The following DNAAF11 variants were observed in gnomAD, a reference collection of about 807,000 sequenced individuals.
The protein encoded by DNAAF11 is leucine rich repeat containing 6.
In DNAAF11, 45 loss-of-function variants were observed where a neutral mutation model predicts 60.8. That is an observed-to-expected ratio of 0.74 (90% CI 0.58 to 0.95). The LOEUF (loss-of-function observed/expected upper bound fraction) is 0.95, where lower values mean the gene tolerates loss of function less well. DNAAF11 is among the 40% of genes least tolerant of loss of function. The pLI is 0.00. For missense variants in DNAAF11, 546 were observed against 546.2 expected, an observed-to-expected ratio of 1.00 and a Z score of 0.00; for synonymous variants, 191 against 183.5, an observed-to-expected ratio of 1.04 and a Z score of -0.33.
At chr8:132,666,093 A>G (rs1362628345) in intron 1 of DNAAF11, among the ~76,000 whole-genome samples, 1 of 152,196 alleles carries the variant, frequency 6.6e-6, no homozygotes, top group African/African-American at 2.4e-5. Context: ...GAGGACTCCA[A>G]AATGGGCGAA....
chr8:132,595,806 T>C (rs1436201117), intron 10 of DNAAF11, among the ~76,000 whole-genome samples: 2 of 152,278 alleles, frequency 1.3e-5, no homozygotes, highest in South Asian at 2.1e-4. Flanking sequence ...CTGGCTTCTC[T>C]ATGGAGAAAG....
chr8:132,694,221 T>C, the DNAAF11 span, among the ~76,000 whole-genome samples: 6 of 152,080 alleles, frequency 3.9e-5, 1 homozygote, highest in South Asian at 1.0e-3. Flanking sequence ...GAAATTAGAG[T>C]GGATATAGGT....
chr8:132,687,980 C>A, the DNAAF11 span, among the ~76,000 whole-genome samples: 1 of 152,138 alleles, frequency 6.6e-6, no homozygotes, highest in East Asian at 1.9e-4. Context: ...AACAATGAAG[C>A]AATATAAAAA....
chr8:132,571,236 G>A lies in DNAAF11; in HGVS notation c.*1070C>T, dbSNP rs1285675026. ...GAACACCACCTGACATAGTCTGTGTGTATGTATTTGTCTGCTTTGTTACTA... is the reference window on the plus strand; with the variant it reads ...GAACACCACCTGACATAGTCTGTGTATATGTATTTGTCTGCTTTGTTACTA... On this transcript the variant is annotated 3_prime_UTR_variant, in exon 12 of 12. Transcript: ENST00000620350. 6.6e-6 allele frequency among the ~76,000 whole-genome samples: 1 copy of A among 152,194 alleles called. No individual in the cohort carries two copies. Among genetic ancestry groups the A allele is most frequent in the Non-Finnish European group, 1.5e-5 (1 of 68,042 alleles).
intron 1 of DNAAF11, among the ~76,000 whole-genome samples, chr8:132,672,400 A>C (rs2130893206): frequency 1.3e-5 from 2 of 152,258 alleles, no homozygotes; most frequent in South Asian, 4.1e-4. Flanking sequence ...AAACATCAAA[A>C]ATAGTGGTCT....
intron 10 of DNAAF11, among the ~76,000 whole-genome samples, chr8:132,602,677 C>G (rs2738441): frequency 6.6e-6 from 1 of 151,456 alleles, no homozygotes; most frequent in African/African-American, 2.4e-5. Flanking sequence ...GACTGGGTTT[C>G]TACTGAATCC....
Position 132,656,845 on chromosome 8 carries a change from T to A in DNAAF11, c.241A>T (p.Ile81Leu). 7.4e-7 allele frequency: 1 copy of A among 1,343,974 alleles called. No individual in the cohort carries two copies. The highest frequency in any genetic ancestry group is 2.4e-5 in the East Asian group (1 of 42,496). 83.3% of individuals were successfully genotyped at this position (1,343,974 alleles called of 1,614,324 possible). ...LNLALNNIEK[I>L]ENLEGCEELA... ...ACAGTCTTACCTTCCAAGTTTTCTA[T>A]TTTTTCAATGTTGTTTAAAGCTAAA... Residue 81 changes from isoleucine to leucine, a missense_variant, in exon 3 of 12, where the codon ATA (isoleucine) becomes TTA (leucine). Coordinates refer to ENST00000620350, the MANE Select transcript of DNAAF11 (RefSeq NM_012472.6).
At position 132,601,620 on chromosome 8, in the gene DNAAF11, T is replaced by C. The variant is rs1765207791; in HGVS notation, c.1140+8546A>G. ...AAAAAAGATGAGTTCATGTCCTTTG[T>C]AGGGACATGGATGAAGCTGGAAACC... On this transcript the variant is annotated intron_variant, in intron 10 of 11. Coordinates refer to ENST00000620350, the MANE Select transcript of DNAAF11 (RefSeq NM_012472.6). Among the ~76,000 whole-genome samples, 3 of 152,136 alleles carry C rather than the reference T, an allele frequency of 2.0e-5. 1 individual carries two copies. In the South Asian group the frequency reaches 6.2e-4, roughly 32 times the overall value.
chr8:132,587,372 C>T (rs1238588206), intron 10 of DNAAF11, among the ~76,000 whole-genome samples: 2 of 152,088 alleles, frequency 1.3e-5, no homozygotes, highest in African/African-American at 4.8e-5. Context: ...CATAATAACA[C>T]TGAAATTCAT....
chr8:132,614,894 G>A (rs190862296), intron 8 of DNAAF11, 144 bp downstream of exon 8: 6 of 495,356 alleles, frequency 1.2e-5, no homozygotes, highest in African/African-American at 1.2e-4. Context: ...AAAAATTATA[G>A]TAACTTCTCT....
chr8:132,663,155 G>A (rs1175430055), intron 1 of DNAAF11, among the ~76,000 whole-genome samples: 1 of 152,204 alleles, frequency 6.6e-6, no homozygotes, highest in Non-Finnish European at 1.5e-5. Flanking sequence ...CGCCCAGGAA[G>A]GAGGCTAACA....
intron 3 of DNAAF11, among the ~76,000 whole-genome samples, chr8:132,639,063 T>C (rs1205299567): frequency 6.6e-6 from 1 of 152,238 alleles, no homozygotes; most frequent in Non-Finnish European, 1.5e-5. Flanking sequence ...CTTAGCATAA[T>C]GCTTGCCACC....
the DNAAF11 span, among the ~76,000 whole-genome samples, chr8:132,690,236 A>G: frequency 3.9e-5 from 6 of 152,134 alleles, no homozygotes; most frequent in Non-Finnish European, 7.4e-5. Context: ...TCTCATCTTG[A>G]TTTGTAATCC....
chr8:132,611,302 T>G lies in DNAAF11; in HGVS notation c.1036A>C (p.Lys346Gln). 1 of 1,611,262 alleles carries G rather than the reference T, an allele frequency of 6.2e-7. No individual in the cohort carries two copies. The highest frequency in any genetic ancestry group is 2.2e-5 in the East Asian group (1 of 44,860). Residue 346 changes from lysine (K) to glutamine (Q), a missense_variant, in exon 9 of 12, where the codon AAA becomes CAA. Coordinates refer to ENST00000620350, the MANE Select transcript of DNAAF11 (RefSeq NM_012472.6). Reference sequence around the variant, plus strand: ...TACAGGGTTCTACTTACCTTTCCTTTGATCATTACTCGCACGTAAGTTGGT... The same window carrying G: ...TACAGGGTTCTACTTACCTTTCCTTGGATCATTACTCGCACGTAAGTTGGT... ...VQPTYVRVMIKGKPFQLVLPA... is the reference protein window; with the variant it reads ...VQPTYVRVMIQGKPFQLVLPA...
intron 11 of DNAAF11, among the ~76,000 whole-genome samples, chr8:132,576,986 T>A (rs1007439191): frequency 1.3e-5 from 2 of 152,216 alleles, no homozygotes; most frequent in African/African-American, 4.8e-5. Context: ...AATAACTTTT[T>A]AAGCCTTTTT....
the DNAAF11 span, among the ~76,000 whole-genome samples, chr8:132,693,956 T>C: frequency 2.6e-5 from 4 of 152,092 alleles, no homozygotes; most frequent in Non-Finnish European, 5.9e-5. Context: ...ATGGGAGCAA[T>C]TGGAAGATTT....
intron 1 of DNAAF11, among the ~76,000 whole-genome samples, chr8:132,663,209 C>G (rs571029971): frequency 6.6e-6 from 1 of 152,276 alleles, no homozygotes; most frequent in East Asian, 1.9e-4. Context: ...CTGCTGCCAG[C>G]ACCATTCAGC....
At chr8:132,598,175 G>A (rs977401754) in intron 10 of DNAAF11, among the ~76,000 whole-genome samples, 7 of 152,162 alleles carry the variant, frequency 4.6e-5, no homozygotes, top group African/African-American at 1.7e-4. Context: ...CATGGTAAAT[G>A]CTCAATAAAT....
the DNAAF11 span, among the ~76,000 whole-genome samples, chr8:132,690,091 T>C: frequency 1.3e-5 from 2 of 152,224 alleles, no homozygotes; most frequent in Non-Finnish European, 2.9e-5. Context: ...ATTTTAATTT[T>C]TAGATTTTCA....
Sources: gnomAD v4.1 joint callset for allele counts (sites outside exome capture counted in the v4.1 genomes callset) on GRCh38, gnomAD v4.1.1 for gene constraint, MANE v1.5 for transcripts, NCBI Gene and HGNC (gene_info 2026-07-23, HGNC 2026-07-21) for gene names.